SERPINB8: variants seen among roughly 807,000 people sequenced by gnomAD.
The protein encoded by SERPINB8 is serpin B8.
SERPINB8 carries 25 observed loss-of-function variants against 35.3 expected under a neutral mutation model. That is an observed-to-expected ratio of 0.71 (90% CI 0.52 to 0.99). The LOEUF (loss-of-function observed/expected upper bound fraction) is 0.99, where lower values mean the gene tolerates loss of function less well. SERPINB8 is among the 50% of genes least tolerant of loss of function. The pLI is 0.00. For synonymous variants in SERPINB8, 186 were observed against 160.8 expected (o/e 1.16, Z -1.19); for missense variants, 484 against 446.5 (o/e 1.08, Z -0.76).
At chr18:63,978,659 C>T (rs2050622209) in intron 2 of SERPINB8, among the ~76,000 whole-genome samples, 183 bp downstream of exon 2, 1 of 152,176 alleles carries the variant, frequency 6.6e-6, no homozygotes, top group Non-Finnish European at 1.5e-5. Context: ...AGATCATCTC[C>T]TCTGATGTTT....
At chr18:64,007,279 G>GA (rs1372118374), downstream of SERPINB8, among the ~76,000 whole-genome samples, 1 of 151,762 alleles carries the variant, frequency 6.6e-6, no homozygotes, top group Non-Finnish European at 1.5e-5. Context: ...AATTTGTAAG[G>GA]AAAAAAACAA....
rs1314531317 is a variant in SERPINB8 at position 63,988,735 on chromosome 18, A to G, written c.*1457A>G. The G allele has an allele frequency of 6.6e-6, 1 of 152,212 alleles. No individual in the cohort carries two copies. Among genetic ancestry groups the G allele is most frequent in the Non-Finnish European group, 1.5e-5 (1 of 68,026 alleles). The allele number at this position is 152,212 out of a possible 1,614,324, so 9.4% of individuals were successfully genotyped here. ...TTACAGCTCTTACTTAAATTTGACC[A>G]AGCCAGGATATATCTGTTAGGCCAC... On this transcript the variant is annotated 3_prime_UTR_variant, in exon 7 of 7. Coordinates refer to ENST00000397985, the MANE Select transcript of SERPINB8 (RefSeq NM_002640.4).
chr18:63,970,494 CGT>C (rs2050451502), intron 1 of SERPINB8: 1 of 152,478 alleles, frequency 6.6e-6, no homozygotes, highest in Non-Finnish European at 1.5e-5. Flanking sequence ...GGAGAGGGAG[CGT>C]CTGTTTCTAG....
chr18:64,016,566 A>C (rs1445937397), intron 7 of SERPINB8, among the ~76,000 whole-genome samples: 1 of 152,222 alleles, frequency 6.6e-6, no homozygotes, highest in East Asian at 1.9e-4. Flanking sequence ...GGAAAGTCAC[A>C]AAGATTCAAT....
Position 63,985,485 on chromosome 18 carries a change from T to G in SERPINB8, c.720+240T>G, listed in dbSNP as rs72945626. On this transcript the variant is annotated intron_variant, in intron 6 of 6. Transcript: ENST00000397985. ...AGAGAGTTCTAAATATATTATTATT[T>G]GGAATATTATTCTTTATTCTGCATG... Among the ~76,000 whole-genome samples the G allele has an allele frequency of 0.1, 15,590 of 152,282 alleles. 1,186 individuals are homozygous for G. The highest frequency in any genetic ancestry group is 0.15 in the Non-Finnish European group (10,243 of 68,014).
intron 1 of SERPINB8, among the ~76,000 whole-genome samples, chr18:64,002,269 C>T (rs2050879229): frequency 6.6e-6 from 1 of 152,158 alleles, no homozygotes; most frequent in African/African-American, 2.4e-5. Context: ...AGTTAGGACG[C>T]CTGGCTCTGT....
At chr18:64,000,144 C>G (rs540283828) in intron 1 of SERPINB8, among the ~76,000 whole-genome samples, 2 of 152,136 alleles carry the variant, frequency 1.3e-5, no homozygotes, top group African/African-American at 2.4e-5. Context: ...TGGAAGAGTC[C>G]GGCTCTCTAA....
At chr18:63,992,556 G>T (rs765821794), downstream of SERPINB8, among the ~76,000 whole-genome samples, 8 of 152,164 alleles carry the variant, frequency 5.3e-5, no homozygotes, top group Non-Finnish European at 1.0e-4. Flanking sequence ...ACCAGCTTTT[G>T]GTTTCATTGA....
chr18:63,976,475 A>C (rs1330419815), intron 1 of SERPINB8, among the ~76,000 whole-genome samples: 2 of 152,214 alleles, frequency 1.3e-5, no homozygotes, highest in African/African-American at 4.8e-5. Flanking sequence ...ATCTTTCTTG[A>C]TGATTACATT....
At chr18:64,003,891 A>G (rs565164278) in intron 1 of SERPINB8, among the ~76,000 whole-genome samples, 3 of 152,256 alleles carry the variant, frequency 2.0e-5, no homozygotes, top group Admixed American at 1.3e-4. Context: ...ACCCAGAAAC[A>G]CCCTCACAGA....
At chr18:63,998,084 C>T (rs149280963) in intron 1 of SERPINB8, among the ~76,000 whole-genome samples, 10 of 152,282 alleles carry the variant, frequency 6.6e-5, no homozygotes, top group South Asian at 4.2e-4. Context: ...ATAATCCACC[C>T]GCCAGACCCT....
intron 1 of SERPINB8, among the ~76,000 whole-genome samples, chr18:63,972,565 G>A (rs774546474): frequency 3.3e-5 from 5 of 152,050 alleles, no homozygotes; most frequent in Non-Finnish European, 5.9e-5. Flanking sequence ...GTATACATGA[G>A]CCATGTTGGT....
In SERPINB8 at chr18:63,986,959, C is replaced by T. The variant is rs928728061; in HGVS notation, c.806C>T (p.Pro269Leu). The T allele has an allele frequency of 6.2e-6, 10 of 1,614,036 alleles. No individual in the cohort carries two copies. In the South Asian group the frequency reaches 9.9e-5, roughly 16 times the overall value. ...LTKSKVQVFL[P>L]RLKLEESYDL... ...AAAAGTAAGGTTCAAGTTTTCCTTC[C>T]CAGATTAAAGCTGGAGGAGAGTTAT... Residue 269 changes from proline to leucine, a missense_variant, in exon 7 of 7, where the codon CCC becomes CTC. Pro to Leu is a moderately conservative substitution (Grantham distance 98, BLOSUM62 -3). Coordinates refer to ENST00000397985, the MANE Select transcript of SERPINB8 (RefSeq NM_002640.4).
Position 63,985,236 on chromosome 18 carries a change from C to G in SERPINB8, c.711C>G (p.Asp237Glu). Residue 237 changes from aspartate (D) to glutamate (E), a missense_variant, in exon 6 of 7, where the codon GAC (aspartate) becomes GAG (glutamate). Asp to Glu is a conservative substitution (Grantham distance 45). Transcript: ENST00000397985. ...MVILLPDDNT[D>E]LAVVEKALTY... ...TTCTGCTTCCCGATGACAACACGGA[C>G]CTCGCCGTGGTAAGCTCCAGGCAAT... 6.2e-7 allele frequency: 1 copy of G among 1,614,138 alleles called. No individual in the cohort carries two copies. The highest frequency in any genetic ancestry group is 8.5e-7 in the Non-Finnish European group (1 of 1,180,018).
intron 3 of SERPINB8, 37 bp downstream of exon 3, chr18:63,979,975 AAAGT>A: frequency 6.2e-7 from 1 of 1,606,056 alleles, no homozygotes; most frequent in Non-Finnish European, 8.5e-7. Context: ...AAAGAAATTG[AAAGT>A]AAGTTAGACT....
At chr18:63,996,167 T>C (rs761715572) in intron 1 of SERPINB8, among the ~76,000 whole-genome samples, 6 of 152,240 alleles carry the variant, frequency 3.9e-5, no homozygotes, top group Non-Finnish European at 7.3e-5. Context: ...TTAATTTATA[T>C]GCTTTTTCAA....
chr18:64,004,278 G>T (rs1454142461), intron 1 of SERPINB8, among the ~76,000 whole-genome samples: 1 of 152,026 alleles, frequency 6.6e-6, no homozygotes, highest in Non-Finnish European at 1.5e-5. Context: ...AAAAAACCTG[G>T]CACTCAGTAT....
chr18:64,015,249 G>T, intron 7 of SERPINB8, among the ~76,000 whole-genome samples: 1 of 152,122 alleles, frequency 6.6e-6, no homozygotes. Flanking sequence ...CCCTGACCAG[G>T]GCTGTCTCAG....
chr18:64,015,960 G>C (rs2050947956), intron 7 of SERPINB8, among the ~76,000 whole-genome samples: 1 of 152,214 alleles, frequency 6.6e-6, no homozygotes, highest in Admixed American at 6.5e-5. Flanking sequence ...AGGCTTGGAG[G>C]AAACGCCTGC....
Sources: gnomAD v4.1 joint callset for allele counts (sites outside exome capture counted in the v4.1 genomes callset) on GRCh38, gnomAD v4.1.1 for gene constraint, MANE v1.5 for transcripts, NCBI Gene and HGNC (gene_info 2026-07-23, HGNC 2026-07-21) for gene names.